SMYD3: variants seen among roughly 807,000 people sequenced by gnomAD.
SMYD3 encodes histone-lysine N-methyltransferase SMYD3.
SMYD3 carries 36 observed loss-of-function variants against 57.7 expected under a neutral mutation model. That is an observed-to-expected ratio of 0.62 (90% confidence interval 0.48 to 0.82). The LOEUF is 0.82. Among genes scored for constraint, SMYD3 ranks in the 40% least tolerant of loss-of-function variants. The pLI, the probability that SMYD3 is intolerant of heterozygous loss-of-function variation, is 0.00. For synonymous variants in SMYD3, 211 were observed against 195.0 expected, an observed-to-expected ratio of 1.08 and a Z score of -0.68; for missense variants, 515 against 538.8, an observed-to-expected ratio of 0.96 and a Z score of 0.44.
intron 1 of SMYD3, among the ~76,000 whole-genome samples, chr1:246,433,659 C>T (rs557297489): frequency 1.1e-4 from 16 of 152,040 alleles, no homozygotes; most frequent in Admixed American, 4.6e-4. Context: ...AGGCTGGCTC[C>T]GTCTCGAAAA....
intron 1 of SMYD3, among the ~76,000 whole-genome samples, chr1:246,361,816 G>A (rs2065992560): frequency 6.6e-6 from 1 of 152,036 alleles, no homozygotes. Flanking sequence ...AAGGGGTGAG[G>A]GATAAAAGAC....
chr1:246,218,620 C>CAA (rs551976972), intron 5 of SMYD3, among the ~76,000 whole-genome samples: 8 of 127,416 alleles, frequency 6.3e-5, no homozygotes, highest in East Asian at 2.2e-4. Context: ...GACTCCGTCT[C>CAA]AAAAAAAAAA....
chr1:246,238,105 C>G (rs895913093), intron 5 of SMYD3, among the ~76,000 whole-genome samples: 1 of 152,076 alleles, frequency 6.6e-6, no homozygotes, highest in African/African-American at 2.4e-5. Context: ...GCTCTGTTGA[C>G]CAGGATGAAG....
chr1:246,272,887 T>C (rs2064248429), intron 5 of SMYD3, among the ~76,000 whole-genome samples: 1 of 152,192 alleles, frequency 6.6e-6, no homozygotes, highest in African/African-American at 2.4e-5. Context: ...AAATGTTTGG[T>C]AGAATTCACC....
At chr1:245,896,285 C>G (rs2053775467) in intron 8 of SMYD3, among the ~76,000 whole-genome samples, 1 of 148,638 alleles carries the variant, frequency 6.7e-6, no homozygotes, top group Admixed American at 6.9e-5. Flanking sequence ...GACTTCCAAT[C>G]AAGATGCTGT....
intron 11 of SMYD3, among the ~76,000 whole-genome samples, chr1:245,751,445 C>A (rs2045347362): frequency 6.6e-6 from 1 of 152,012 alleles, no homozygotes; most frequent in South Asian, 2.1e-4. Context: ...TTTCTGGCTT[C>A]TTTTTTCACC....
intron 5 of SMYD3, among the ~76,000 whole-genome samples, chr1:245,986,841 C>G (rs572464113): frequency 1.3e-5 from 2 of 152,156 alleles, no homozygotes; most frequent in Admixed American, 6.5e-5. Context: ...TCGTGCCTTA[C>G]AAGTATTTTT....
At chr1:246,138,795 A>G (rs6661220) in intron 5 of SMYD3, among the ~76,000 whole-genome samples, 127,344 of 151,842 alleles carry the variant, frequency 0.84, 54,102 homozygotes, top group Admixed American at 0.89. Context: ...GCTCTCTATA[A>G]ACAAATCATG....
intron 5 of SMYD3, among the ~76,000 whole-genome samples, chr1:245,978,516 A>G (rs190365588): frequency 1.4e-3 from 212 of 152,282 alleles, no homozygotes; most frequent in African/African-American, 5.0e-3. Flanking sequence ...GCGTCTTTCT[A>G]CTTCACGAGT....
At chr1:246,303,455 A>G (rs2064928454) in intron 5 of SMYD3, among the ~76,000 whole-genome samples, 1 of 152,198 alleles carries the variant, frequency 6.6e-6, no homozygotes, top group African/African-American at 2.4e-5. Context: ...TATAGCCTGT[A>G]CCTATCCTCC....
chr1:246,351,639 C>T (rs1224853641), intron 2 of SMYD3, among the ~76,000 whole-genome samples: 3 of 152,024 alleles, frequency 2.0e-5, no homozygotes, highest in Admixed American at 6.6e-5. Flanking sequence ...ATACATATGT[C>T]GATGTGTACG....
intron 5 of SMYD3, among the ~76,000 whole-genome samples, chr1:246,002,467 C>A (rs1304729380): frequency 4.0e-5 from 2 of 50,614 alleles, no homozygotes; most frequent in South Asian, 8.2e-4. Flanking sequence ...TACAGGCGCC[C>A]GCCACCACGC....
chr1:245,989,066 G>A (rs1473223396), intron 5 of SMYD3, among the ~76,000 whole-genome samples: 1 of 152,184 alleles, frequency 6.6e-6, no homozygotes, highest in East Asian at 1.9e-4. Flanking sequence ...AGAATCCCCT[G>A]GCTGGGAGTG....
chr1:246,215,778 C>T (rs5021684), intron 5 of SMYD3, among the ~76,000 whole-genome samples: 8,817 of 151,970 alleles, frequency 0.058, 427 homozygotes, highest in African/African-American at 0.12. Flanking sequence ...TAAAGGAAGC[C>T]CTGGGGTGTA....
intron 2 of SMYD3, among the ~76,000 whole-genome samples, chr1:246,340,549 T>C (rs1427111167): frequency 6.6e-6 from 1 of 151,946 alleles, no homozygotes; most frequent in Admixed American, 6.6e-5. Context: ...TTGGCAAAAA[T>C]GAATAAAACT....
chr1:246,167,063 T>G (rs540633135), intron 5 of SMYD3, among the ~76,000 whole-genome samples: 52 of 152,224 alleles, frequency 3.4e-4, no homozygotes, highest in African/African-American at 1.2e-3. Flanking sequence ...CTGGCTCCCT[T>G]CATTAAGCAT....
chr1:246,204,554 T>C (rs989096459), intron 5 of SMYD3, among the ~76,000 whole-genome samples: 7 of 152,094 alleles, frequency 4.6e-5, no homozygotes, highest in Admixed American at 4.6e-4. Context: ...AATCTTACCT[T>C]TGTCAAAGCT....
chr1:245,814,138 C>T (rs1572412006), intron 10 of SMYD3, among the ~76,000 whole-genome samples: 5 of 152,012 alleles, frequency 3.3e-5, no homozygotes. Flanking sequence ...AAAGTTAGTG[C>T]CCTTCCTGTC....
In SMYD3 at chr1:245,789,190, C is replaced by T. The variant is rs948411284; in HGVS notation, c.1077-25041G>A. Among the ~76,000 whole-genome samples the T allele has an allele frequency of 7.9e-5, 12 of 152,272 alleles. No homozygotes were observed. In the South Asian group the frequency reaches 8.3e-4, roughly 11 times the overall value. ...TTCAGACCATGATAATGTGCCATTT[C>T]GGGGACCTGAATTCCTATTATGATG... On this transcript the variant is annotated intron_variant, in intron 10 of 11. Transcript: ENST00000490107.
Sources: gnomAD v4.1 joint callset for allele counts (sites outside exome capture counted in the v4.1 genomes callset) on GRCh38, gnomAD v4.1.1 for gene constraint, MANE v1.5 for transcripts, NCBI Gene and HGNC (gene_info 2026-07-23, HGNC 2026-07-21) for gene names.